Variants in SMARCD3 observed in about 807,000 individuals in gnomAD.
SMARCD3 encodes the protein SWI/SNF-related matrix-associated actin-dependent regulator of chromatin subfamily D member 3.
Under a neutral mutation model 58.0 loss-of-function variants are expected in SMARCD3, and 14 were observed. The ratio of observed to expected loss-of-function variants is 0.24; its 90% CI spans 0.16 to 0.38. The LOEUF (loss-of-function observed/expected upper bound fraction) is 0.38. Ranked by LOEUF, SMARCD3 falls within the 10% of genes least tolerant of loss-of-function variation. The pLI is 1.00. For synonymous variants in SMARCD3, 253 were observed against 253.8 expected, an observed-to-expected ratio of 1.00 and a Z score of 0.03; for missense variants, 408 against 636.9, an observed-to-expected ratio of 0.64 and a Z score of 3.87.
At chr7:151,276,873 GGGAGAAGGGATGCCAGGCAGGGA>G (rs1209430375), upstream of SMARCD3, 2 of 113,452 alleles carry the variant, frequency 1.8e-5, no homozygotes, top group African/African-American at 3.3e-5. Context: ...GCCAGGCAGG[GGGAGAAGGGATGCCAGGCAGGGA>G]GGAGAAGGGA....
At chr7:151,265,593 T>C (rs780811463) in intron 2 of SMARCD3, among the ~76,000 whole-genome samples, 3 of 152,192 alleles carry the variant, frequency 2.0e-5, no homozygotes, top group Non-Finnish European at 4.4e-5. Flanking sequence ...GGGCCTCCCC[T>C]TGGAACATCC....
In SMARCD3 at chr7:151,241,898, C is replaced by T. The variant is rs1304289535; in HGVS notation, c.756G>A (p.Leu252=). 4 of 1,611,208 alleles carry T rather than the reference C, an allele frequency of 2.5e-6. No homozygotes were observed. The East Asian group carries it at 8.9e-5, about 36-fold the overall frequency. The change falls in exon 7 of 13, where the codon CTG becomes CTA. Residue 252 remains leucine, a synonymous_variant. Coordinates refer to ENST00000262188, the MANE Select transcript of SMARCD3 (RefSeq NM_001003801.2). This position sits in a 1 kb window ranked among gnomAD's most constrained non-coding sequence, Gnocchi z 5.3. ...AGACCTGGTAGTCCAGCATGAGGAG[C>T]AGCGTGCAGCGCACACTCAGGTCCC... ...RPGDLSVRCT[L]LLMLDYQPPQ... is the part of the protein sequence containing the mutation.
chr7:151,241,759 C>A lies in SMARCD3; in HGVS notation c.778-106G>T. 3 of 1,388,672 alleles carry A rather than the reference C, an allele frequency of 2.2e-6. No homozygotes were observed. Among genetic ancestry groups the A allele is most frequent in the Non-Finnish European group, 2.0e-6 (2 of 995,014 alleles). The allele number at this position is 1,388,672 out of a possible 1,614,324, so 86.0% of individuals were successfully genotyped here. ...GATGTGTTGATTGAGGAAACATGCC[C>A]CTGGGGAAGGATAGGTTTGGGAGGG... On this transcript the variant is annotated intron_variant, in intron 7 of 12. Coordinates refer to ENST00000262188, the MANE Select transcript of SMARCD3 (RefSeq NM_001003801.2). This position sits in a 1 kb window ranked among gnomAD's most constrained non-coding sequence, Gnocchi z 5.3.
chr7:151,242,764 C>T lies in SMARCD3; in HGVS notation c.413G>A (p.Arg138Gln), dbSNP rs757917046. Reference sequence around the variant, plus strand: ...AGCCTCCTGGATGTCCACCCGCTTCCGCATGATGGTTTGATCCAGTTTCCT... The same window carrying T: ...AGCCTCCTGGATGTCCACCCGCTTCTGCATGATGGTTTGATCCAGTTTCCT... ...FERKLDQTIMRKRVDIQEALK... is the reference protein window; with the variant it reads ...FERKLDQTIMQKRVDIQEALK... The change falls in exon 4 of 13, where the codon CGG (arginine) becomes CAG (glutamine). Residue 138 changes from arginine to glutamine, a missense_variant. Physicochemically the swap from Arg to Gln is conservative, Grantham distance 43. Around this residue, in one of 4 missense-constraint regions of SMARCD3, gnomAD observed 128 missense variants for 188.8 expected, o/e 0.68. Transcript: ENST00000262188. This position sits in a 1 kb window ranked among gnomAD's most constrained non-coding sequence, Gnocchi z 4.7. 5.6e-6 allele frequency: 9 copies of T among 1,614,026 alleles called. No homozygotes were observed. Among genetic ancestry groups the T allele is most frequent in the African/African-American group, 2.7e-5 (2 of 74,910 alleles).
chr7:151,268,250 C>T (rs1161281620), intron 2 of SMARCD3, among the ~76,000 whole-genome samples: 1 of 152,174 alleles, frequency 6.6e-6, no homozygotes, highest in African/African-American at 2.4e-5. Context: ...GCCAGATTTC[C>T]AGAATCTCTT....
intron 2 of SMARCD3, among the ~76,000 whole-genome samples, chr7:151,256,970 C>T (rs1803720557): frequency 6.6e-6 from 1 of 152,240 alleles, no homozygotes; most frequent in Non-Finnish European, 1.5e-5. Context: ...ATTTCATCAA[C>T]ATTCCCCTCT....
intron 2 of SMARCD3, among the ~76,000 whole-genome samples, chr7:151,265,078 AC>A (rs1418197406): frequency 6.6e-6 from 1 of 152,138 alleles, no homozygotes; most frequent in East Asian, 1.9e-4. Context: ...TTCTGAAGGC[AC>A]CTGTCAGAGT....
chr7:151,259,612 T>TTTTTTG (rs1563682507), intron 2 of SMARCD3, among the ~76,000 whole-genome samples: 7 of 114,380 alleles, frequency 6.1e-5, no homozygotes, highest in Admixed American at 1.6e-4. Flanking sequence ...TTTTTTTTTT[T>TTTTTTG]TTTTTTTTTT....
intron 2 of SMARCD3, among the ~76,000 whole-genome samples, chr7:151,268,156 C>A (rs1451269168): frequency 6.6e-6 from 1 of 152,102 alleles, no homozygotes; most frequent in East Asian, 1.9e-4. Context: ...CTGGGCAGGG[C>A]AGATAGGTTT....
intron 1 of SMARCD3, among the ~76,000 whole-genome samples, chr7:151,247,126 C>G (rs1403478902): frequency 2.0e-5 from 3 of 152,146 alleles, no homozygotes; most frequent in Non-Finnish European, 4.4e-5. Flanking sequence ...CCCTGTCACT[C>G]AGGCCTCCAG....
intron 2 of SMARCD3, among the ~76,000 whole-genome samples, chr7:151,258,203 C>T (rs2792444): frequency 0.4 from 60,783 of 151,852 alleles, 12,799 homozygotes; most frequent in East Asian, 0.73. Flanking sequence ...CAAACCACAG[C>T]TACTGGGTAG....
intron 2 of SMARCD3, among the ~76,000 whole-genome samples, chr7:151,273,634 G>A (rs765424503): frequency 9.9e-5 from 15 of 152,250 alleles, no homozygotes; most frequent in Non-Finnish European, 1.9e-4. Context: ...CACCTCAGGT[G>A]CTGGGGAGGT....
At chr7:151,248,763 G>GC, upstream of SMARCD3, 4 of 946,974 alleles carry the variant, frequency 4.2e-6, no homozygotes, top group Non-Finnish European at 5.2e-6. The surrounding 1 kb of genome is among the most constrained non-coding windows in gnomAD (Gnocchi z 6.1). Flanking sequence ...GCCCGCCGCC[G>GC]CCGCCGCCGC....
At chr7:151,267,287 T>C (rs989251535) in intron 2 of SMARCD3, among the ~76,000 whole-genome samples, 3 of 152,218 alleles carry the variant, frequency 2.0e-5, no homozygotes, top group African/African-American at 7.2e-5. Context: ...GGATGACTAT[T>C]ACTGTATCCA....
upstream of SMARCD3, among the ~76,000 whole-genome samples, chr7:151,251,575 C>G (rs899373368): frequency 1.3e-5 from 2 of 152,136 alleles, no homozygotes; most frequent in African/African-American, 4.8e-5. Flanking sequence ...AGTGGCTTAA[C>G]CCCAGAAGGG....
At chr7:151,270,445 C>A (rs978281355) in intron 2 of SMARCD3, among the ~76,000 whole-genome samples, 3 of 152,218 alleles carry the variant, frequency 2.0e-5, no homozygotes, top group Non-Finnish European at 2.9e-5. Context: ...AGAAATACTT[C>A]TCTGTACTGT....
rs758051223 is a variant in SMARCD3, at chr7:151,240,516, C to A, written c.946G>T (p.Asp316Tyr). The A allele has an allele frequency of 1.5e-5, 24 of 1,612,366 alleles. No homozygotes were observed. The highest frequency in any genetic ancestry group is 2.0e-5 in the Non-Finnish European group (23 of 1,179,042). Reference protein sequence around the residue: ...NGDKYFQQIFDCPRLKFSEIP... With the variant: ...NGDKYFQQIFYCPRLKFSEIP... ...TCAGAAAACTTCAGCCGGGGACAAT[C>A]AAAAATCTGAAGCAGGACAATTGGG... The change falls in exon 9 of 13, where the codon GAT (aspartate) becomes TAT (tyrosine). Residue 316 changes from aspartate (D) to tyrosine (Y), a missense_variant. Asp to Tyr is a radical substitution (Grantham distance 160). Transcript: ENST00000262188.
chr7:151,242,677 T>TCA lies in SMARCD3; in HGVS notation c.456+42_456+43dup. 1 of 1,613,298 alleles carries TCA rather than the reference T, an allele frequency of 6.2e-7. No individual in the cohort carries two copies. The highest frequency in any genetic ancestry group is 8.5e-7 in the Non-Finnish European group (1 of 1,179,338). ...CGACCACCCTGCTTCCCCATCCTGGTCACACAACTCTAGAGTCCCCTTCCT... is the reference window on the plus strand; with the variant it reads ...CGACCACCCTGCTTCCCCATCCTGGTCACACACAACTCTAGAGTCCCCTTCCT... On this transcript the variant is annotated intron_variant, in intron 4 of 12. Transcript: ENST00000262188. This position sits in a 1 kb window ranked among gnomAD's most constrained non-coding sequence, Gnocchi z 4.7.
At chr7:151,269,133 A>G (rs1047738987) in intron 2 of SMARCD3, among the ~76,000 whole-genome samples, 2 of 152,204 alleles carry the variant, frequency 1.3e-5, no homozygotes, top group Admixed American at 6.5e-5. Context: ...TTTTGAAGGA[A>G]GAGGCCTGGG....
Sources: allele counts gnomAD v4.1 joint callset (sites outside exome capture counted in the v4.1 genomes callset), GRCh38; gene constraint gnomAD v4.1.1; regional missense constraint gnomAD v4.1.1; non-coding constraint Gnocchi (gnomAD v3.1); transcripts MANE v1.5; gene names NCBI Gene and HGNC (gene_info 2026-07-23, HGNC 2026-07-21).